The following TMPRSS2 variants were observed in gnomAD, a reference collection of about 807,000 sequenced individuals.
The protein encoded by TMPRSS2 is transmembrane protease serine 2.
A neutral mutation model predicts 67.4 loss-of-function variants in TMPRSS2; 59 were observed. That is an observed-to-expected ratio of 0.88 (90% CI 0.71 to 1.09). The LOEUF (loss-of-function observed/expected upper bound fraction) is 1.09, where lower values mean the gene tolerates loss of function less well. Ranked by LOEUF, TMPRSS2 falls within the 50% of genes least tolerant of loss-of-function variation. The pLI, the probability that TMPRSS2 is intolerant of heterozygous loss-of-function variation, is 0.00. For missense variants in TMPRSS2, 668 were observed against 642.7 expected, an observed-to-expected ratio of 1.04 and a Z score of -0.43; for synonymous variants, 257 against 257.0, an observed-to-expected ratio of 1.00 and a Z score of 0.00.
intron 4 of TMPRSS2, 97 bp downstream of exon 4, chr21:41,489,410 G>GA: frequency 1.1e-6 from 1 of 912,828 alleles, no homozygotes; most frequent in Non-Finnish European, 1.7e-6. Flanking sequence ...CCTCACGGAG[G>GA]GCCTCCAGAG....
At chr21:41,495,357 G>A (rs918538863) in intron 2 of TMPRSS2, among the ~76,000 whole-genome samples, 6 of 151,920 alleles carry the variant, frequency 3.9e-5, no homozygotes, top group Non-Finnish European at 7.4e-5. Context: ...GGCGCAGTGG[G>A]TCACTCCTGT....
rs756213944 is a variant in TMPRSS2, at chr21:41,480,577, G to C, written c.471C>G (p.Ile157Met). The C allele has an allele frequency of 1.9e-6, 3 of 1,613,772 alleles. No individual in the cohort carries two copies. In the East Asian group the frequency reaches 6.7e-5, roughly 36 times the overall value. ...RCVRLYGPNF[I>M]LQVYSSQRKS... Reference sequence around the variant, plus strand: ...TCCTCTGAGATGAGTACACCTGAAGGATGAAGTTTGGTCCGTAGAGGCGAA... The same window carrying C: ...TCCTCTGAGATGAGTACACCTGAAGCATGAAGTTTGGTCCGTAGAGGCGAA... The change falls in exon 6 of 14, where the codon ATC (isoleucine) becomes ATG (methionine). Residue 157 changes from isoleucine to methionine, a missense_variant. By Grantham distance (10) the Ile-to-Met change is conservative. Transcript: ENST00000332149.
Position 41,488,334 on chromosome 21 carries a change from C to T in TMPRSS2, c.445+60G>A, listed in dbSNP as rs1276924371. ...GCCCAGTCACCCAAAGGCCCCTGGA[C>T]CCGGCTGCTGTCTCCAAGGTGAGCA... On this transcript the variant is annotated intron_variant, in intron 5 of 13. Transcript: ENST00000332149. The T allele has an allele frequency of 7.0e-6, 11 of 1,581,838 alleles. No individual in the cohort carries two copies. The Admixed American group carries it at 1.0e-4, about 15-fold the overall frequency.
At chr21:41,489,058 G>A (rs561043908) in intron 4 of TMPRSS2, among the ~76,000 whole-genome samples, 4 of 152,318 alleles carry the variant, frequency 2.6e-5, no homozygotes, top group African/African-American at 9.6e-5. Flanking sequence ...CAGTGTTTGG[G>A]TTTGGACGGC....
rs1234595346 is a variant in TMPRSS2 at position 41,471,906 on chromosome 21, T to A, written c.975A>T (p.Gly325=). ...LRQSFMFYGA[G]YQVEKVISHP... The stretch of plus-strand genomic sequence containing the variant: ...GAGAAATCACTTTTTCTACTTGGTA[T>A]CCGGCTCCATAGAACATGAAAGATT... Residue 325 remains glycine, a synonymous_variant, in exon 10 of 14, where the codon GGA becomes GGT. Coordinates refer to ENST00000332149, the MANE Select transcript of TMPRSS2 (RefSeq NM_005656.4). 1 of 1,613,578 alleles carries A rather than the reference T, an allele frequency of 6.2e-7. No homozygotes were observed. Among genetic ancestry groups the A allele is most frequent in the Non-Finnish European group, 8.5e-7 (1 of 1,179,884 alleles).
At chr21:41,467,013 T>C (rs1252200863) in intron 13 of TMPRSS2, among the ~76,000 whole-genome samples, 1 of 151,954 alleles carries the variant, frequency 6.6e-6, no homozygotes, top group Non-Finnish European at 1.5e-5. Flanking sequence ...TTCCTAACCT[T>C]GGGGGCTGCC....
At chr21:41,468,357 C>G (rs1248440941) in intron 12 of TMPRSS2, 39 bp downstream of exon 12, 1 of 1,610,864 alleles carries the variant, frequency 6.2e-7, no homozygotes, top group South Asian at 1.1e-5. Context: ...TCAGTAGGAT[C>G]TGGTAAGGAC....
intron 2 of TMPRSS2, among the ~76,000 whole-genome samples, chr21:41,496,826 C>G (rs975188168): frequency 1.5e-5 from 2 of 136,124 alleles, no homozygotes; most frequent in Non-Finnish European, 3.1e-5. Context: ...TTGTCTCTCT[C>G]TCCTTTTTTT....
At chr21:41,503,624 A>G (rs1247747063) in intron 1 of TMPRSS2, among the ~76,000 whole-genome samples, 1 of 152,204 alleles carries the variant, frequency 6.6e-6, no homozygotes, top group Non-Finnish European at 1.5e-5. Flanking sequence ...CTTGGATTCT[A>G]TCTGGGGAAA....
In TMPRSS2 at chr21:41,508,093, A is replaced by T; in HGVS notation, c.-69T>A. 2 of 1,231,894 alleles carry T rather than the reference A, an allele frequency of 1.6e-6. No homozygotes were observed. Among genetic ancestry groups the T allele is most frequent in the African/African-American group, 1.6e-5 (1 of 63,162 alleles). 76.3% of individuals were successfully genotyped at this position (1,231,894 alleles called of 1,614,324 possible). A position where few individuals can be genotyped will look rare whatever the true frequency, so the allele number is the denominator to read the frequency against. On this transcript the variant is annotated 5_prime_UTR_variant, in exon 1 of 14. Coordinates refer to ENST00000332149, the MANE Select transcript of TMPRSS2 (RefSeq NM_005656.4). ...CGGCGCCGCTCACCTGCCGCGCTCC[A>T]GGCGGCGCTCCCCGCCCCTCGCCCT...
rs1388175379 is a variant in TMPRSS2 at position 41,465,207 on chromosome 21, T to G, written c.*935A>C. The G allele has an allele frequency of 3.9e-5, 9 of 233,598 alleles. No homozygotes were observed. In the Admixed American group the frequency reaches 5.1e-4, roughly 13 times the overall value. 14.5% of individuals were successfully genotyped at this position (233,598 alleles called of 1,614,324 possible). ...CTACTTGGAGACATCAAAAGCTAAG[T>G]TTCCAGGAGCACTGAGGTAGCAATG... On this transcript the variant is annotated 3_prime_UTR_variant, in exon 14 of 14. Transcript: ENST00000332149.
In TMPRSS2 at chr21:41,478,590, G is replaced by A. The variant is rs1481930731; in HGVS notation, c.683+582C>T. Among the ~76,000 whole-genome samples the A allele has an allele frequency of 6.6e-6, 1 of 152,182 alleles. No homozygotes were observed. Among genetic ancestry groups the A allele is most frequent in the Non-Finnish European group, 1.5e-5 (1 of 68,036 alleles). On this transcript the variant is annotated intron_variant, in intron 7 of 13. Coordinates refer to ENST00000332149, the MANE Select transcript of TMPRSS2 (RefSeq NM_005656.4). This position sits in a 1 kb window ranked among gnomAD's most constrained non-coding sequence, Gnocchi z 4.0. ...TCAGCCACTCATCATGTGACCTGTG[G>A]CTTGTACCCACTTCTACCCCCTGGA...
chr21:41,479,577 T>C (rs2091241090), intron 6 of TMPRSS2, among the ~76,000 whole-genome samples: 1 of 152,144 alleles, frequency 6.6e-6, no homozygotes, highest in African/African-American at 2.4e-5. Context: ...TTTAATCTAA[T>C]AAAAGGTACA....
At chr21:41,480,371 C>A in intron 6 of TMPRSS2, 105 bp downstream of exon 6, 1 of 1,529,556 alleles carries the variant, frequency 6.5e-7, no homozygotes, top group Non-Finnish European at 8.8e-7. Context: ...TGACAATTGT[C>A]CCCAGCACTC....
At position 41,473,422 on chromosome 21, in the gene TMPRSS2, G is replaced by C; in HGVS notation, c.802C>G (p.Pro268Ala). Residue 268 changes from proline to alanine, a missense_variant, in exon 9 of 14, where the codon CCC (proline) becomes GCC (alanine). Physicochemically the swap from Pro to Ala is conservative, Grantham distance 27 (BLOSUM62 -1). Coordinates refer to ENST00000332149, the MANE Select transcript of TMPRSS2 (RefSeq NM_005656.4). ...GGESALPGAW[P>A]WQVSLHVQNV... ...TGGACGTGCAGGCTGACCTGCCAGG[G>C]CCAGGCCCCCGGGAGCGCGCTCTCG... The C allele has an allele frequency of 6.2e-7, 1 of 1,610,154 alleles. No individual in the cohort carries two copies.
At chr21:41,486,801 T>C (rs903734544) in intron 5 of TMPRSS2, 2 of 151,866 alleles carry the variant, frequency 1.3e-5, no homozygotes, top group Non-Finnish European at 2.9e-5. Flanking sequence ...TCATGAAAAA[T>C]ACAAATAAAA....
At chr21:41,501,262 A>G (rs2091421537) in intron 1 of TMPRSS2, among the ~76,000 whole-genome samples, 1 of 152,232 alleles carries the variant, frequency 6.6e-6, no homozygotes, top group Non-Finnish European at 1.5e-5. Context: ...CGTGTGCCCA[A>G]GTCAGTTACC....
chr21:41,465,154 C>G lies in TMPRSS2; in HGVS notation c.*988G>C, dbSNP rs1211801478. On this transcript the variant is annotated 3_prime_UTR_variant, in exon 14 of 14. Coordinates refer to ENST00000332149, the MANE Select transcript of TMPRSS2 (RefSeq NM_005656.4). ...CCACTCTTACTTGGCAAAGATGATA[C>G]AGTTTCAAAGAGTTAAATGAAGGTG... is the stretch of plus-strand genomic sequence containing the variant. 1 of 233,632 alleles carries G rather than the reference C, an allele frequency of 4.3e-6. No individual in the cohort carries two copies. Among genetic ancestry groups the G allele is most frequent in the East Asian group, 6.0e-5 (1 of 16,604 alleles). 14.5% of individuals were successfully genotyped at this position (233,632 alleles called of 1,614,324 possible).
chr21:41,483,901 G>T (rs533712240), intron 5 of TMPRSS2, among the ~76,000 whole-genome samples: 1 of 151,944 alleles, frequency 6.6e-6, no homozygotes, highest in Non-Finnish European at 1.5e-5. Context: ...AGGGCAAGGC[G>T]GGAGGATCAC....
Sources: allele counts gnomAD v4.1 joint callset (sites outside exome capture counted in the v4.1 genomes callset), GRCh38; gene constraint gnomAD v4.1.1; non-coding constraint Gnocchi (gnomAD v3.1); transcripts MANE v1.5; gene names NCBI Gene and HGNC (gene_info 2026-07-23, HGNC 2026-07-21).